Variants in COMMD10 observed in about 807,000 individuals in gnomAD.
COMMD10 encodes COMM domain containing 10, also known as COMM domain-containing protein 10.
A neutral mutation model predicts 28.9 loss-of-function variants in COMMD10; 33 were observed. The ratio of observed to expected loss-of-function variants is 1.14; its 90% CI spans 0.87 to 1.53. The LOEUF (loss-of-function observed/expected upper bound fraction) is 1.53. COMMD10 is among the 40% of genes most tolerant of loss of function. The pLI, the probability that COMMD10 is intolerant of heterozygous loss-of-function variation, is 0.00. For missense variants in COMMD10, 310 were observed against 233.4 expected (o/e 1.33, Z -2.14); for synonymous variants, 110 against 81.7 (o/e 1.35, Z -1.87).
intron 4 of COMMD10, among the ~76,000 whole-genome samples, chr5:116,132,623 A>C (rs1751896336): frequency 6.6e-6 from 1 of 151,972 alleles, no homozygotes. Context: ...ACAGGTCTAT[A>C]TAAATACCTA....
intron 4 of COMMD10, among the ~76,000 whole-genome samples, chr5:116,127,722 A>T (rs1473015918): frequency 6.6e-6 from 1 of 152,178 alleles, no homozygotes; most frequent in Non-Finnish European, 1.5e-5. Context: ...TGGGAGTTGA[A>T]CAATGAGAAC....
chr5:116,187,972 CT>C (rs1748196888), intron 5 of COMMD10, among the ~76,000 whole-genome samples: 1 of 152,090 alleles, frequency 6.6e-6, no homozygotes, highest in African/African-American at 2.4e-5. Flanking sequence ...CAAGTGACAG[CT>C]TTTCTTTTTC....
rs1018666924 is a variant in COMMD10 at position 116,248,146 on chromosome 5, AT to A, written c.511-43370del. 2.7e-5 allele frequency among the ~76,000 whole-genome samples: 4 copies of A among 150,232 alleles called. 1 individual carries two copies. The highest frequency in any genetic ancestry group is 4.2e-4 in the South Asian group (2 of 4,782). On this transcript the variant is annotated intron_variant, in intron 5 of 6. Coordinates refer to ENST00000274458, the MANE Select transcript of COMMD10 (RefSeq NM_016144.4). ...ATTGTGCTAAGCCAAAAAAAAAAAA[AT>A]AACTGAGCATTTTTCTTTAAGCTCT...
chr5:116,204,989 G>T (rs965153208), intron 5 of COMMD10, among the ~76,000 whole-genome samples: 1 of 151,956 alleles, frequency 6.6e-6, no homozygotes, highest in Non-Finnish European at 1.5e-5. Context: ...GTAGTTAAAG[G>T]TGCATGATAA....
chr5:116,213,405 A>G (rs1396887108), intron 5 of COMMD10, among the ~76,000 whole-genome samples: 1 of 152,052 alleles, frequency 6.6e-6, no homozygotes, highest in Non-Finnish European at 1.5e-5. Flanking sequence ...TAGACCCTGG[A>G]CCTCTGGGTC....
At chr5:116,209,288 C>G (rs1302337954) in intron 5 of COMMD10, among the ~76,000 whole-genome samples, 4 of 152,078 alleles carry the variant, frequency 2.6e-5, no homozygotes, top group African/African-American at 7.2e-5. Flanking sequence ...CTGCTTCAGG[C>G]TTTGTAAATT....
At chr5:116,262,543 T>G (rs1750476973) in intron 5 of COMMD10, among the ~76,000 whole-genome samples, 1 of 151,742 alleles carries the variant, frequency 6.6e-6, no homozygotes. Flanking sequence ...AGTTGAAGAT[T>G]GAATTTAGGG....
intron 5 of COMMD10, among the ~76,000 whole-genome samples, chr5:116,274,829 C>T (rs923827812): frequency 1.3e-5 from 2 of 151,772 alleles, no homozygotes; most frequent in African/African-American, 4.9e-5. Context: ...CTTCTTGACA[C>T]ATTTGCCTTA....
intron 4 of COMMD10, among the ~76,000 whole-genome samples, chr5:116,097,184 G>T (rs111850821): frequency 0.013 from 1,910 of 152,198 alleles, 36 homozygotes; most frequent in African/African-American, 0.044. Context: ...AAGTTGGAAT[G>T]ATCTGATTAA....
chr5:116,107,759 T>C (rs6868638), intron 4 of COMMD10, among the ~76,000 whole-genome samples: 136,524 of 152,110 alleles, frequency 0.9, 61,416 homozygotes, highest in African/African-American at 0.94. Context: ...GGAGAAGAGC[T>C]GTTCTGGTTT....
At chr5:116,165,368 T>C (rs1333017827) in intron 5 of COMMD10, among the ~76,000 whole-genome samples, 1 of 152,204 alleles carries the variant, frequency 6.6e-6, no homozygotes, top group Non-Finnish European at 1.5e-5. Flanking sequence ...TTATTACAAA[T>C]TAATAGCCAC....
intron 5 of COMMD10, among the ~76,000 whole-genome samples, chr5:116,202,926 A>G (rs891300220): frequency 1.3e-5 from 2 of 151,954 alleles, no homozygotes; most frequent in Non-Finnish European, 2.9e-5. Flanking sequence ...TTTTGTTGCC[A>G]TTGCTTTTGG....
At chr5:116,250,533 C>A (rs1750081978) in intron 5 of COMMD10, among the ~76,000 whole-genome samples, 2 of 151,712 alleles carry the variant, frequency 1.3e-5, no homozygotes, top group Non-Finnish European at 2.9e-5. Context: ...ATGATGACTT[C>A]TTATCCTTCC....
chr5:116,214,686 T>C (rs926823189), intron 5 of COMMD10, among the ~76,000 whole-genome samples: 1 of 152,144 alleles, frequency 6.6e-6, no homozygotes, highest in Non-Finnish European at 1.5e-5. Flanking sequence ...ATTAGTATTA[T>C]CATTTTTTCA....
At chr5:116,173,849 GTT>G (rs761332339) in intron 5 of COMMD10, among the ~76,000 whole-genome samples, 2 of 117,136 alleles carry the variant, frequency 1.7e-5, no homozygotes, top group African/African-American at 3.8e-5. Context: ...TTTTGTTTTT[GTT>G]TTTTTTTTTT....
chr5:116,224,567 C>T (rs543900036), intron 5 of COMMD10, among the ~76,000 whole-genome samples: 68 of 152,192 alleles, frequency 4.5e-4, no homozygotes, highest in African/African-American at 1.5e-3. Context: ...GGTCCGGGGC[C>T]GCGGTGCCGC....
At position 116,267,478 on chromosome 5, in the gene COMMD10, G is replaced by C. The variant is rs188482015; in HGVS notation, c.511-24039G>C. Among the ~76,000 whole-genome samples, 170 of 152,004 alleles carry C rather than the reference G, an allele frequency of 1.1e-3. 3 individuals carry two copies. Among genetic ancestry groups the C allele is most frequent in the African/African-American group, 3.7e-3 (154 of 41,272 alleles). ...ACAAACAAATGGAAGAACATTCTAT[G>C]TTCATGGATAGGAAGAATCAATATC... On this transcript the variant is annotated intron_variant, in intron 5 of 6. Coordinates refer to ENST00000274458, the MANE Select transcript of COMMD10 (RefSeq NM_016144.4).
intron 5 of COMMD10, among the ~76,000 whole-genome samples, chr5:116,168,223 A>G (rs1391048759): frequency 1.3e-5 from 2 of 151,890 alleles, no homozygotes; most frequent in Non-Finnish European, 2.9e-5. Context: ...AGCAACAAAG[A>G]TCAAAAAAGA....
At chr5:116,100,061 A>ATT (rs1371748823) in intron 4 of COMMD10, among the ~76,000 whole-genome samples, 1 of 152,266 alleles carries the variant, frequency 6.6e-6, no homozygotes, top group African/African-American at 2.4e-5. Flanking sequence ...CTTACACAAT[A>ATT]TTTTAAATAA....
Sources: allele counts gnomAD v4.1 joint callset (sites outside exome capture counted in the v4.1 genomes callset), GRCh38; gene constraint gnomAD v4.1.1; transcripts MANE v1.5; gene names NCBI Gene and HGNC (gene_info 2026-07-23, HGNC 2026-07-21).